Variants in THOC5 observed in about 807,000 individuals in gnomAD.
THOC5 encodes the protein Fms-interacting protein.
Under a neutral mutation model 92.9 loss-of-function variants are expected in THOC5, and 43 were observed. The ratio of observed to expected loss-of-function variants is 0.46; its 90% CI spans 0.36 to 0.60. The LOEUF is 0.60. Among genes scored for constraint, THOC5 ranks in the 20% least tolerant of loss-of-function variants. THOC5 has a pLI of 0.00. For synonymous variants in THOC5, 296 were observed against 320.1 expected, an observed-to-expected ratio of 0.92 and a Z score of 0.80; for missense variants, 659 against 849.4, an observed-to-expected ratio of 0.78 and a Z score of 2.79.
Position 29,520,110 on chromosome 22 carries a change from G to T in THOC5, c.1278-6C>A. 1 of 1,612,482 alleles carries T rather than the reference G, an allele frequency of 6.2e-7. No homozygotes were observed. The highest frequency in any genetic ancestry group is 1.7e-5 in the Admixed American group (1 of 59,882). On this transcript the variant is annotated splice_region_variant and splice_polypyrimidine_tract_variant and intron_variant, in intron 13 of 19. Coordinates refer to ENST00000490103, the MANE Select transcript of THOC5 (RefSeq NM_003678.5). ...AGTCGCTCAAAGTCAGGATGCTGCA[G>T]AAAAGAAGATAAATAAAATTGTGCT...
At chr22:29,525,214 C>T (rs1419552228) in intron 12 of THOC5, among the ~76,000 whole-genome samples, 1 of 152,032 alleles carries the variant, frequency 6.6e-6, no homozygotes, top group Non-Finnish European at 1.5e-5. Flanking sequence ...AGTTTGAGGC[C>T]ACAGTGAGCT....
intron 12 of THOC5, among the ~76,000 whole-genome samples, chr22:29,523,305 T>A (rs985778978): frequency 2.6e-5 from 4 of 151,998 alleles, no homozygotes; most frequent in African/African-American, 7.2e-5. Flanking sequence ...GGAGGATTTT[T>A]AAAAATTCTC....
chr22:29,510,748 T>C (rs776660696), intron 19 of THOC5, among the ~76,000 whole-genome samples: 14 of 152,198 alleles, frequency 9.2e-5, no homozygotes, highest in Non-Finnish European at 1.8e-4. Context: ...GCCACCTGAC[T>C]GCCTAAGCTG....
intron 16 of THOC5, 25 bp from the exon 17 acceptor site, chr22:29,517,141 G>A (rs768970895): frequency 1.9e-6 from 3 of 1,613,374 alleles, no homozygotes; most frequent in Admixed American, 1.7e-5. Flanking sequence ...ACAGACAAGA[G>A]GTGAACTGCT....
At chr22:29,551,174 C>CT (rs2064134529) in intron 1 of THOC5, among the ~76,000 whole-genome samples, 1 of 152,170 alleles carries the variant, frequency 6.6e-6, no homozygotes, top group Admixed American at 6.6e-5. Context: ...TGGCTCAGGC[C>CT]TGTAATCCCA....
intron 8 of THOC5, 38 bp downstream of exon 8, chr22:29,531,793 C>T (rs754309078): frequency 1.3e-6 from 2 of 1,599,690 alleles, no homozygotes; most frequent in South Asian, 2.2e-5. Flanking sequence ...AGCTGCTGCT[C>T]CCATAGCCCC....
chr22:29,529,002 C>T (rs1461182112), intron 9 of THOC5, 160 bp downstream of exon 9: 30 of 688,948 alleles, frequency 4.4e-5, no homozygotes, highest in South Asian at 1.9e-4. Context: ...CTTGTGACTC[C>T]GGGAAGTGAG....
intron 5 of THOC5, among the ~76,000 whole-genome samples, chr22:29,541,250 C>A (rs737980): frequency 0.25 from 37,541 of 151,668 alleles, 4,737 homozygotes; most frequent in East Asian, 0.32. Context: ...TGGCTTACAC[C>A]TTTAATCTTA....
At chr22:29,543,004 G>C in intron 4 of THOC5, 48 bp from the exon 5 acceptor site, 2 of 1,401,090 alleles carry the variant, frequency 1.4e-6, no homozygotes, top group Non-Finnish European at 2.0e-6. Context: ...TCAGGATGGA[G>C]CAGAGGAGAG....
At chr22:29,528,775 A>G (rs2063594911) in intron 9 of THOC5, among the ~76,000 whole-genome samples, 1 of 152,154 alleles carries the variant, frequency 6.6e-6, no homozygotes, top group South Asian at 2.1e-4. Context: ...AATAATAATA[A>G]TAGTAGTAGA....
intron 11 of THOC5, among the ~76,000 whole-genome samples, chr22:29,526,887 G>A (rs2063555817): frequency 6.6e-6 from 1 of 152,128 alleles, no homozygotes; most frequent in Non-Finnish European, 1.5e-5. Flanking sequence ...TAAGGAGCAT[G>A]GCAACTAAAT....
chr22:29,545,482 C>T (rs1015452517), intron 2 of THOC5, among the ~76,000 whole-genome samples: 5 of 152,186 alleles, frequency 3.3e-5, no homozygotes, highest in Non-Finnish European at 7.3e-5. Context: ...CCCCTTCCGC[C>T]TATGAGCCTG....
rs111337798 is a variant in THOC5, at chr22:29,528,287, T to C, written c.967-110A>G. On this transcript the variant is annotated intron_variant, in intron 10 of 19. Coordinates refer to ENST00000490103, the MANE Select transcript of THOC5 (RefSeq NM_003678.5). ...ACTGCCTGGCACCTGCTGCTTCAGCTAGCTGGGTTGTCAGACTCCCCTCCC... is the reference window on the plus strand; with the variant it reads ...ACTGCCTGGCACCTGCTGCTTCAGCCAGCTGGGTTGTCAGACTCCCCTCCC... The C allele has an allele frequency of 5.0e-4, 814 of 1,613,990 alleles. 9 individuals carry two copies. The African/African-American group carries it at 8.9e-3, about 18-fold the overall frequency.
intron 8 of THOC5, among the ~76,000 whole-genome samples, chr22:29,530,822 A>G (rs181646012): frequency 3.9e-5 from 6 of 152,180 alleles, no homozygotes; most frequent in Admixed American, 3.9e-4. Flanking sequence ...AAGGGTACAT[A>G]TGGTCCCAAG....
At chr22:29,537,891 C>CA (rs1247449997) in intron 6 of THOC5, among the ~76,000 whole-genome samples, 2 of 151,840 alleles carry the variant, frequency 1.3e-5, no homozygotes, top group East Asian at 3.9e-4. Context: ...AACTCTGTGT[C>CA]AAAAAAATAA....
rs2146528048 is a variant in THOC5 at position 29,537,607 on chromosome 22, A to C, written c.600-869T>G. 1.3e-5 allele frequency among the ~76,000 whole-genome samples: 2 copies of C among 151,186 alleles called. 1 individual carries two copies. The highest frequency in any genetic ancestry group is 6.9e-3 in the Middle Eastern group (2 of 290). Reference sequence around the variant, plus strand: ...CCCCAACTCTATTAAAAATACAAAAATTGGCCGGGCACAGTGGCTCACGCC... The same window carrying C: ...CCCCAACTCTATTAAAAATACAAAACTTGGCCGGGCACAGTGGCTCACGCC... On this transcript the variant is annotated intron_variant, in intron 6 of 19. Transcript: ENST00000490103.
At chr22:29,522,252 T>C (rs1237669851) in intron 12 of THOC5, among the ~76,000 whole-genome samples, 2 of 150,950 alleles carry the variant, frequency 1.3e-5, no homozygotes, top group African/African-American at 4.9e-5. Flanking sequence ...CCCAGCTACT[T>C]GGGAGGCTGA....
intron 1 of THOC5, among the ~76,000 whole-genome samples, chr22:29,550,537 C>T (rs982023997): frequency 6.6e-6 from 1 of 152,108 alleles, no homozygotes; most frequent in African/African-American, 2.4e-5. Context: ...AGTGCAGTGG[C>T]ACAATCATCA....
At chr22:29,523,540 G>A (rs923264134) in intron 12 of THOC5, among the ~76,000 whole-genome samples, 11 of 152,132 alleles carry the variant, frequency 7.2e-5, no homozygotes, top group African/African-American at 2.4e-4. Context: ...CACGTTTAAC[G>A]ATACCACAGG....
Sources: allele counts gnomAD v4.1 joint callset (sites outside exome capture counted in the v4.1 genomes callset), GRCh38; gene constraint gnomAD v4.1.1; transcripts MANE v1.5; gene names NCBI Gene and HGNC (gene_info 2026-07-23, HGNC 2026-07-21).